The following MZF1 variants were observed in gnomAD, a reference collection of about 807,000 sequenced individuals.
MZF1 encodes myeloid zinc finger 1.
Under a neutral mutation model 28.6 loss-of-function variants are expected in MZF1, and 24 were observed. The ratio of observed to expected loss-of-function variants is 0.84; its 90% CI spans 0.61 to 1.18. The LOEUF is 1.18. Ranked by LOEUF, MZF1 falls within the 50% of genes most tolerant of loss-of-function variation. The pLI, the probability that MZF1 is intolerant of heterozygous loss-of-function variation, is 0.00. For synonymous variants in MZF1, 516 were observed against 432.5 expected, an observed-to-expected ratio of 1.19 and a Z score of -2.40; for missense variants, 1,166 against 1,026.4, an observed-to-expected ratio of 1.14 and a Z score of -1.86.
At position 58,571,181 on chromosome 19, in the gene MZF1, C is replaced by G; in HGVS notation, c.209G>C (p.Arg70Pro). 1 of 1,613,610 alleles carries G rather than the reference C, an allele frequency of 6.2e-7. No homozygotes were observed. The highest frequency in any genetic ancestry group is 8.5e-7 in the Non-Finnish European group (1 of 1,179,772). The part of the protein sequence containing the change: ...EALAQLRELC[R>P]QWLRPEVRSK... ...GCGTACCTCTGGACGCAGCCACTGG[C>G]GACACAGCTCTCGGAGCTGGGCCAG... The change falls in exon 2 of 6, where the codon CGC becomes CCC. Residue 70 changes from arginine to proline, a missense_variant. Coordinates refer to ENST00000215057, the MANE Select transcript of MZF1 (RefSeq NM_198055.2).
chr19:58,563,062 C>T lies in MZF1; in HGVS notation c.1215G>A (p.Thr405=), dbSNP rs2228162. 0.068 allele frequency: 109,298 copies of T among 1,602,794 alleles called. 9,028 individuals carry two copies. The highest frequency in any genetic ancestry group is 0.39 in the African/African-American group (28,911 of 74,952). The stretch of plus-strand genomic sequence containing the variant: ...ACACGAACGGCCGCTCCTCGGTGTG[C>T]GTAAGCTGGTGGCGCAGCAGGTGCG... ...RSSHLLRHQL[T]HTEERPFVCG... is the part of the protein sequence containing the mutation. Residue 405 remains threonine (T), a synonymous_variant, in exon 6 of 6, where the codon ACG becomes ACA. Coordinates refer to ENST00000215057, the MANE Select transcript of MZF1 (RefSeq NM_198055.2).
intron 1 of MZF1, chr19:58,572,502 T>A (rs2054184089): frequency 8.0e-6 from 10 of 1,256,298 alleles, no homozygotes; most frequent in Non-Finnish European, 9.4e-6. Flanking sequence ...CATCTTCAGA[T>A]CACTGTGCCT....
At chr19:58,569,208 G>A in intron 5 of MZF1, 69 bp downstream of exon 5, 1 of 1,502,348 alleles carries the variant, frequency 6.7e-7, no homozygotes, top group Non-Finnish European at 8.9e-7. Context: ...GTAGGGCCAG[G>A]AGTGGGGTCG....
intron 1 of MZF1, chr19:58,572,477 G>T: frequency 1.7e-6 from 2 of 1,160,468 alleles, no homozygotes; most frequent in Non-Finnish European, 2.3e-6. Context: ...GAAGTCCCGA[G>T]ACTCTGATTC....
At chr19:58,568,064 C>T (rs2054090189) in intron 5 of MZF1, 1 of 152,056 alleles carries the variant, frequency 6.6e-6, no homozygotes, top group African/African-American at 2.4e-5. Flanking sequence ...TAGTGAGAAC[C>T]TGTTTCTACA....
chr19:58,570,337 CCCTCA>C lies in MZF1; in HGVS notation c.580+2_580+6del. The C allele has an allele frequency of 1.2e-6, 2 of 1,607,242 alleles. No homozygotes were observed. The highest frequency in any genetic ancestry group is 1.7e-6 in the Non-Finnish European group (2 of 1,175,882). On this transcript the variant is annotated splice_donor_variant and splice_donor_5th_base_variant and intron_variant, in intron 3 of 5. Transcript: ENST00000215057. LOFTEE classifies it high-confidence loss of function. ...ACCTTAGGCGCGCCCACCGTGCATG[CCCTCA>C]CCTGAGTCCTCTGTAACCTCTGACT...
rs1183142981 is a variant in MZF1, at chr19:58,564,898, GTGTGTT to G, written c.773-1400_773-1395del. Among the ~76,000 whole-genome samples the G allele has an allele frequency of 5.7e-4, 52 of 91,938 alleles. 5 individuals are homozygous for G. The highest frequency in any genetic ancestry group is 2.6e-3 in the African/African-American group (50 of 18,938). The allele number at this position is 91,938 out of a possible 152,430, so 60.3% of individuals were successfully genotyped here. ...CAGGGTGGAGAATAAGCATCCATGT[GTGTGTT>G]TTTTTTTTTTTTTTTTTTTTTTTTT... On this transcript the variant is annotated intron_variant, in intron 5 of 5. Coordinates refer to ENST00000215057, the MANE Select transcript of MZF1 (RefSeq NM_198055.2).
chr19:58,571,820 TGC>T (rs2054169904), intron 1 of MZF1: 1 of 176,242 alleles, frequency 5.7e-6, no homozygotes, highest in Admixed American at 5.4e-5. Context: ...AACAGGTGTG[TGC>T]CACGACATCC....
chr19:58,570,966 T>G (rs918435170), intron 2 of MZF1, 28 bp downstream of exon 2: 17 of 1,578,688 alleles, frequency 1.1e-5, no homozygotes, highest in Middle Eastern at 1.7e-4. Context: ...GCTCCAGTCC[T>G]GAACCCCACT....
At position 58,562,889 on chromosome 19, in the gene MZF1, C is replaced by A; in HGVS notation, c.1388G>T (p.Gly463Val). ...CTTAGCGCCAGGGCCCGGGGGATCG[C>A]CGTGGATGCGCTGGTGCTGCAGCAG... Reference protein sequence around the residue: ...SNLLQHQRIHGDPPGPGAKPP... With the variant: ...SNLLQHQRIHVDPPGPGAKPP... The change falls in exon 6 of 6, where the codon GGC becomes GTC. Residue 463 changes from glycine to valine, a missense_variant. By Grantham distance (109) the Gly-to-Val change is moderately radical (BLOSUM62 -3). Coordinates refer to ENST00000215057, the MANE Select transcript of MZF1 (RefSeq NM_198055.2). The A allele has an allele frequency of 6.5e-7, 1 of 1,541,520 alleles. No individual in the cohort carries two copies. Among genetic ancestry groups the A allele is most frequent in the Non-Finnish European group, 8.7e-7 (1 of 1,150,258 alleles).
rs1469219256 is a variant in MZF1 at position 58,562,236 on chromosome 19, A to G, written c.2041T>C (p.Tyr681His). ...HRRIHTGERP[Y>H]ACPECGKAFR... is the part of the protein sequence containing the mutation. The stretch of plus-strand genomic sequence containing the variant: ...GCCTTGCCACACTCAGGGCATGCGT[A>G]GGGCCGTTCACCCGTGTGGATGCGC... Residue 681 changes from tyrosine (Y) to histidine (H), a missense_variant, in exon 6 of 6, where the codon TAC becomes CAC. Physicochemically the swap from Tyr to His is moderately conservative, Grantham distance 83 (BLOSUM62 2). Transcript: ENST00000215057. The G allele has an allele frequency of 6.2e-7, 1 of 1,604,440 alleles. No homozygotes were observed. Among genetic ancestry groups the G allele is most frequent in the African/African-American group, 1.4e-5 (1 of 73,842 alleles).
In MZF1 at chr19:58,569,272, C is replaced by G. The variant is rs1449051029; in HGVS notation, c.772+5G>C. On this transcript the variant is annotated splice_donor_5th_base_variant and intron_variant, in intron 5 of 5. Coordinates refer to ENST00000215057, the MANE Select transcript of MZF1 (RefSeq NM_198055.2). ...CCTAGTCCCACCACACCCCATCTCACTTACCTGGGGAGAAGATGCCCCCAG... is the reference window on the plus strand; with the variant it reads ...CCTAGTCCCACCACACCCCATCTCAGTTACCTGGGGAGAAGATGCCCCCAG... 6.3e-7 allele frequency: 1 copy of G among 1,593,560 alleles called. No homozygotes were observed. Among genetic ancestry groups the G allele is most frequent in the Admixed American group, 1.7e-5 (1 of 57,530 alleles).
In MZF1 at chr19:58,564,898, G is replaced by GTTTTT. The variant is rs1600099960; in HGVS notation, c.773-1395_773-1394insAAAAA. Among the ~76,000 whole-genome samples the GTTTTT allele has an allele frequency of 5.2e-4, 48 of 91,938 alleles. 10 individuals carry two copies. Among genetic ancestry groups the GTTTTT allele is most frequent in the African/African-American group, 2.2e-3 (41 of 18,938 alleles). 60.3% of individuals were successfully genotyped at this position (91,938 alleles called of 152,430 possible). A position where few individuals can be genotyped will look rare whatever the true frequency, so the allele number is the denominator to read the frequency against. ...CAGGGTGGAGAATAAGCATCCATGTGTGTGTTTTTTTTTTTTTTTTTTTTT... is the reference window on the plus strand; with the variant it reads ...CAGGGTGGAGAATAAGCATCCATGTGTTTTTTGTGTTTTTTTTTTTTTTTTTTTTT... On this transcript the variant is annotated intron_variant, in intron 5 of 5. Transcript: ENST00000215057.
chr19:58,562,491 G>A lies in MZF1; in HGVS notation c.1786C>T (p.Pro596Ser). ...TGGCCACACTCGGGGCAGGCAAAGG[G>A]TTTCTCGCCCGTGTGTACGCGGAGA... is the stretch of plus-strand genomic sequence containing the variant. ...QHLRVHTGEK[P>S]FACPECGQRF... The change falls in exon 6 of 6, where the codon CCC becomes TCC. Residue 596 changes from proline to serine, a missense_variant. Pro to Ser is a moderately conservative substitution (Grantham distance 74). Coordinates refer to ENST00000215057, the MANE Select transcript of MZF1 (RefSeq NM_198055.2). 6.2e-7 allele frequency: 1 copy of A among 1,610,802 alleles called. No homozygotes were observed. The highest frequency in any genetic ancestry group is 1.1e-5 in the South Asian group (1 of 90,766).
Position 58,562,157 on chromosome 19 carries a change from T to C in MZF1, c.2120A>G (p.Lys707Arg), listed in dbSNP as rs201352824. The C allele has an allele frequency of 1.9e-5, 30 of 1,593,632 alleles. No homozygotes were observed. The highest frequency in any genetic ancestry group is 2.6e-5 in the Non-Finnish European group (30 of 1,173,366). ...TQHLRTHRRE[K>R]PFACQDCGRR... ...GCCACAGTCCTGGCAGGCGAAGGGC[T>C]TCTCTCGTCGGTGGGTGCGCAGATG... The change falls in exon 6 of 6, where the codon AAG (lysine) becomes AGG (arginine). Residue 707 changes from lysine to arginine, a missense_variant. Transcript: ENST00000215057.
intron 2 of MZF1, 29 bp downstream of exon 2, chr19:58,570,965 C>T (rs1210207787): frequency 1.3e-6 from 2 of 1,577,964 alleles, no homozygotes; most frequent in African/African-American, 2.7e-5. Context: ...TGCTCCAGTC[C>T]TGAACCCCAC....
In MZF1 at chr19:58,571,419, A is replaced by C. The variant is rs896108759; in HGVS notation, c.-30T>G. The C allele has an allele frequency of 6.2e-7, 1 of 1,611,548 alleles. No individual in the cohort carries two copies. The highest frequency in any genetic ancestry group is 1.1e-5 in the South Asian group (1 of 90,920). ...GGTACCAGGTCAGGTATCTGAGGCCAGTGTCTGCCCCTGGTGAAGAAATAG... is the reference window on the plus strand; with the variant it reads ...GGTACCAGGTCAGGTATCTGAGGCCCGTGTCTGCCCCTGGTGAAGAAATAG... On this transcript the variant is annotated 5_prime_UTR_variant, in exon 2 of 6. Transcript: ENST00000215057.
intron 1 of MZF1, among the ~76,000 whole-genome samples, chr19:58,572,110 G>T (rs2054175573): frequency 6.6e-6 from 1 of 152,076 alleles, no homozygotes; most frequent in Admixed American, 6.5e-5. Context: ...TACAGCCTGG[G>T]CATCAGCATC....
At position 58,563,523 on chromosome 19, in the gene MZF1, C is replaced by CA; in HGVS notation, c.773-20dup. On this transcript the variant is annotated intron_variant, in intron 5 of 5. Coordinates refer to ENST00000215057, the MANE Select transcript of MZF1 (RefSeq NM_198055.2). ...GCGAACCCTGCATACACAAGGGGACCATTCATTCATGACAGAATGCCCACC... is the reference window on the plus strand; with the variant it reads ...GCGAACCCTGCATACACAAGGGGACCAATTCATTCATGACAGAATGCCCACC... 1.3e-6 allele frequency: 2 copies of CA among 1,503,570 alleles called. No homozygotes were observed. Among genetic ancestry groups the CA allele is most frequent in the Non-Finnish European group, 1.8e-6 (2 of 1,118,944 alleles). The allele number at this position is 1,503,570 out of a possible 1,614,324, so 93.1% of individuals were successfully genotyped here. A position where few individuals can be genotyped will look rare whatever the true frequency, so the allele number is the denominator to read the frequency against.
Sources: allele counts gnomAD v4.1 joint callset (sites outside exome capture counted in the v4.1 genomes callset), GRCh38; gene constraint gnomAD v4.1.1; transcripts MANE v1.5; gene names NCBI Gene and HGNC (gene_info 2026-07-23, HGNC 2026-07-21).